Variants in PECAM1 observed in about 807,000 individuals in gnomAD.
PECAM1 encodes the protein platelet endothelial cell adhesion molecule.
In PECAM1, 8 loss-of-function variants were observed where a neutral mutation model predicts 13.8. The observed-to-expected ratio is 0.58, with a 90% CI of 0.34 to 1.05. The LOEUF (loss-of-function observed/expected upper bound fraction) is 1.05, where lower values mean the gene tolerates loss of function less well. Among genes scored for constraint, PECAM1 ranks in the 50% least tolerant of loss-of-function variants. The pLI, the probability that PECAM1 is intolerant of heterozygous loss-of-function variation, is 0.03. For synonymous variants in PECAM1, 136 were observed against 52.6 expected (o/e 2.58, Z -6.86); for missense variants, 304 against 141.2 (o/e 2.15, Z -5.84).
chr17:64,357,135 T>A (rs1471044000), intron 7 of PECAM1, among the ~76,000 whole-genome samples: 3 of 152,224 alleles, frequency 2.0e-5, no homozygotes, highest in Non-Finnish European at 2.9e-5. Flanking sequence ...CTCATGACTC[T>A]GATTCTCTTC....
chr17:64,377,348 A>C (rs1374068039), intron 3 of PECAM1, among the ~76,000 whole-genome samples: 2 of 152,180 alleles, frequency 1.3e-5, no homozygotes, highest in African/African-American at 4.8e-5. Flanking sequence ...TTAATTTATG[A>C]GACGAGATGA....
chr17:64,363,198 A>G lies in PECAM1; in HGVS notation c.1167T>C (p.Gly389=). 1 of 475,384 alleles carries G rather than the reference A, an allele frequency of 2.1e-6. No individual in the cohort carries two copies. Among genetic ancestry groups the G allele is most frequent in the Admixed American group, 3.1e-5 (1 of 31,746 alleles). The allele number at this position is 475,384 out of a possible 1,614,324, so 29.4% of individuals were successfully genotyped here. ...SDSGTYICTA[G]IDKVVKKSNT... The stretch of plus-strand genomic sequence containing the variant: ...TGCTTTTCTTGACCACTTTGTCAAT[A>G]CCTGCAGTGCAGATATACGTCCCAC... The change falls in exon 6 of 16, where the codon GGT becomes GGC. Residue 389 remains glycine, a synonymous_variant. Coordinates refer to ENST00000563924, the MANE Select transcript of PECAM1 (RefSeq NM_000442.5).
chr17:64,320,599 T>C lies in PECAM1; in HGVS notation c.*3217A>G. 6.6e-6 allele frequency: 1 copy of C among 152,504 alleles called. No homozygotes were observed. Among genetic ancestry groups the C allele is most frequent in the Non-Finnish European group, 1.5e-5 (1 of 68,180 alleles). The allele number at this position is 152,504 out of a possible 1,614,324, so 9.4% of individuals were successfully genotyped here. A position where few individuals can be genotyped will look rare whatever the true frequency, so the allele number is the denominator to read the frequency against. On this transcript the variant is annotated 3_prime_UTR_variant, in exon 16 of 16. Transcript: ENST00000563924. ...ATGTGCCCTTGTTTGAGCTTTTAAT[T>C]TTCCACCATGACGCTTGTCACACTG...
At chr17:64,385,110 C>T (rs1250870086) in intron 2 of PECAM1, among the ~76,000 whole-genome samples, 3 of 152,176 alleles carry the variant, frequency 2.0e-5, no homozygotes, top group African/African-American at 4.8e-5. Flanking sequence ...CCACAGATTT[C>T]CTTACTGAAC....
intron 5 of PECAM1, among the ~76,000 whole-genome samples, chr17:64,366,016 T>C (rs1284918822): frequency 1.3e-5 from 2 of 151,902 alleles, no homozygotes; most frequent in Non-Finnish European, 2.9e-5. Context: ...CAAAAGAAAC[T>C]ACCATCAGAG....
intron 5 of PECAM1, 136 bp downstream of exon 5, chr17:64,369,614 A>C: frequency 2.5e-6 from 1 of 397,180 alleles, no homozygotes; most frequent in East Asian, 3.6e-5. Context: ...ACGAGCACCA[A>C]AGCCCCATCT....
intron 14 of PECAM1, among the ~76,000 whole-genome samples, chr17:64,330,253 A>G (rs1435038297): frequency 6.6e-6 from 1 of 152,078 alleles, no homozygotes; most frequent in Non-Finnish European, 1.5e-5. Context: ...TCCTGGCCTC[A>G]GGTGATCTGC....
chr17:64,355,699 G>A (rs900302358), intron 8 of PECAM1, among the ~76,000 whole-genome samples: 2 of 152,054 alleles, frequency 1.3e-5, no homozygotes, highest in Non-Finnish European at 2.9e-5. Flanking sequence ...GGCTCAAGTG[G>A]AGTAGACTCC....
At chr17:64,340,944 A>T (rs1007330749) in intron 14 of PECAM1, among the ~76,000 whole-genome samples, 11 of 152,232 alleles carry the variant, frequency 7.2e-5, no homozygotes, top group Admixed American at 4.6e-4. Context: ...CTAAAAATAC[A>T]AAATTAGCTG....
At chr17:64,382,239 T>A (rs1458509367) in intron 2 of PECAM1, among the ~76,000 whole-genome samples, 1 of 152,190 alleles carries the variant, frequency 6.6e-6, no homozygotes, top group Non-Finnish European at 1.5e-5. Flanking sequence ...CCTCCTTCAT[T>A]TTAAGCTATG....
rs1194155024 is a variant in PECAM1, at chr17:64,375,656, C to CA, written c.386-301dup. Reference sequence around the variant, plus strand: ...GCAACACGGTGAAATGCTATCTCTACAAAAAAAAAAATTAAAAATTAGCCA... The same window carrying CA: ...GCAACACGGTGAAATGCTATCTCTACAAAAAAAAAAAATTAAAAATTAGCCA... On this transcript the variant is annotated intron_variant, in intron 3 of 15. Coordinates refer to ENST00000563924, the MANE Select transcript of PECAM1 (RefSeq NM_000442.5). 5.1e-3 allele frequency among the ~76,000 whole-genome samples: 717 copies of CA among 140,582 alleles called. 2 individuals are homozygous for CA. Among genetic ancestry groups the CA allele is most frequent in the Non-Finnish European group, 6.6e-3 (425 of 64,048 alleles). 92.2% of individuals were successfully genotyped at this position (140,582 alleles called of 152,430 possible). A position where few individuals can be genotyped will look rare whatever the true frequency, so the allele number is the denominator to read the frequency against.
chr17:64,386,670 A>G (rs982048045), intron 2 of PECAM1, among the ~76,000 whole-genome samples: 14 of 152,002 alleles, frequency 9.2e-5, no homozygotes, highest in African/African-American at 3.4e-4. Flanking sequence ...GGTGGCTCAT[A>G]TCTGTTATCC....
At chr17:64,366,118 A>C (rs2036098606) in intron 5 of PECAM1, among the ~76,000 whole-genome samples, 1 of 143,182 alleles carries the variant, frequency 7.0e-6, no homozygotes, top group Non-Finnish European at 1.5e-5. Flanking sequence ...AACTCAAACA[A>C]ATTTACAAGA....
At chr17:64,343,117 A>C (rs1010560111) in intron 13 of PECAM1, among the ~76,000 whole-genome samples, 1 of 152,122 alleles carries the variant, frequency 6.6e-6, no homozygotes, top group Non-Finnish European at 1.5e-5. Flanking sequence ...AGATGGGGAA[A>C]GGAAGCCCCA....
chr17:64,351,073 A>C (rs1257324849), intron 11 of PECAM1, among the ~76,000 whole-genome samples: 1 of 151,944 alleles, frequency 6.6e-6, no homozygotes, highest in East Asian at 1.9e-4. Flanking sequence ...AAACAGGGTT[A>C]CACCATGTTG....
chr17:64,343,790 C>T (rs2035491596), intron 13 of PECAM1, among the ~76,000 whole-genome samples: 1 of 152,164 alleles, frequency 6.6e-6, no homozygotes, highest in African/African-American at 2.4e-5. Context: ...GCCCACACAC[C>T]CCTCACTCTC....
chr17:64,380,445 C>T (rs1050243118), intron 2 of PECAM1, among the ~76,000 whole-genome samples: 4 of 152,158 alleles, frequency 2.6e-5, no homozygotes, highest in Non-Finnish European at 4.4e-5. Context: ...AATCCCTACA[C>T]GTCCCCCCAG....
chr17:64,362,453 T>A (rs1413506959), intron 6 of PECAM1, among the ~76,000 whole-genome samples: 2 of 151,948 alleles, frequency 1.3e-5, no homozygotes, highest in African/African-American at 2.4e-5. Context: ...ATGGAGACCA[T>A]CCTGGCTAAC....
intron 14 of PECAM1, among the ~76,000 whole-genome samples, chr17:64,335,748 T>G (rs1238368878): frequency 6.6e-6 from 1 of 152,180 alleles, no homozygotes; most frequent in Non-Finnish European, 1.5e-5. Context: ...GGGCTCCAAG[T>G]GTCTCACACA....
Sources: allele counts gnomAD v4.1 joint callset (sites outside exome capture counted in the v4.1 genomes callset), GRCh38; gene constraint gnomAD v4.1.1; transcripts MANE v1.5; gene names NCBI Gene and HGNC (gene_info 2026-07-23, HGNC 2026-07-21).